Variants in DOCK2 observed in about 807,000 individuals in gnomAD.
DOCK2 encodes the protein dedicator of cytokinesis protein 2.
A neutral mutation model predicts 248.9 loss-of-function variants in DOCK2; 87 were observed. That is an observed-to-expected ratio of 0.35 (90% CI 0.29 to 0.42). The LOEUF (loss-of-function observed/expected upper bound fraction) is 0.42, where lower values mean the gene tolerates loss of function less well. Among genes scored for constraint, DOCK2 ranks in the 10% least tolerant of loss-of-function variants. The pLI is 1.00. For missense variants in DOCK2, 1,747 were observed against 2,300.2 expected, an observed-to-expected ratio of 0.76 and a Z score of 4.92; for synonymous variants, 805 against 821.6, an observed-to-expected ratio of 0.98 and a Z score of 0.35.
At chr5:169,838,290 G>T (rs1237164971) in intron 26 of DOCK2, among the ~76,000 whole-genome samples, 1 of 152,114 alleles carries the variant, frequency 6.6e-6, no homozygotes, top group Non-Finnish European at 1.5e-5. Flanking sequence ...ACAGGCTGCT[G>T]GGTTGAATCC....
At chr5:169,948,984 C>A (rs915091945) in intron 27 of DOCK2, among the ~76,000 whole-genome samples, 1 of 152,074 alleles carries the variant, frequency 6.6e-6, no homozygotes, top group Non-Finnish European at 1.5e-5. Context: ...TTATATGCAT[C>A]CAGTTACAAA....
chr5:170,017,126 G>T (rs2113819579), intron 32 of DOCK2, among the ~76,000 whole-genome samples: 1 of 152,044 alleles, frequency 6.6e-6, no homozygotes, highest in South Asian at 2.1e-4. Context: ...CCAACATTAA[G>T]CCTCATTTAG....
chr5:169,702,507 T>C, intron 14 of DOCK2, 80 bp downstream of exon 14: 1 of 1,574,950 alleles, frequency 6.3e-7, no homozygotes, highest in East Asian at 2.3e-5. Context: ...TTCCTCTCCC[T>C]GATTCTGTTG....
intron 27 of DOCK2, among the ~76,000 whole-genome samples, chr5:169,918,651 G>A (rs762583967): frequency 6.6e-6 from 1 of 152,230 alleles, no homozygotes; most frequent in Non-Finnish European, 1.5e-5. Context: ...AGTGGCTCAT[G>A]CCTGTAATCC....
intron 27 of DOCK2, among the ~76,000 whole-genome samples, chr5:169,879,263 C>T (rs1772501525): frequency 6.6e-6 from 1 of 152,082 alleles, no homozygotes; most frequent in Admixed American, 6.5e-5. Flanking sequence ...GAGATCACGG[C>T]TTAACAAGGC....
intron 26 of DOCK2, among the ~76,000 whole-genome samples, chr5:169,835,727 G>C (rs1021772472): frequency 1.3e-5 from 2 of 151,954 alleles, no homozygotes; most frequent in Admixed American, 1.3e-4. Context: ...GATCATGAGA[G>C]ACTGCTGTAT....
chr5:169,977,250 G>C (rs1195294388), intron 27 of DOCK2, among the ~76,000 whole-genome samples: 1 of 152,202 alleles, frequency 6.6e-6, no homozygotes, highest in African/African-American at 2.4e-5. Context: ...CCAAAAGCAT[G>C]TTCAGCGGCA....
chr5:169,833,326 G>A (rs1362932356), intron 26 of DOCK2, among the ~76,000 whole-genome samples: 1 of 152,110 alleles, frequency 6.6e-6, no homozygotes, highest in African/African-American at 2.4e-5. Flanking sequence ...ATTAAAATAG[G>A]TACATATTTT....
intron 22 of DOCK2, among the ~76,000 whole-genome samples, chr5:169,728,235 G>A (rs548899270): frequency 1.6e-4 from 24 of 152,302 alleles, no homozygotes; most frequent in African/African-American, 5.3e-4. Flanking sequence ...GACATAAAAT[G>A]TTTGAGGTGT....
intron 41 of DOCK2, among the ~76,000 whole-genome samples, chr5:170,053,109 G>A (rs751096141): frequency 1.8e-4 from 27 of 152,276 alleles, no homozygotes; most frequent in African/African-American, 5.3e-4. Flanking sequence ...CCCCAGTTCC[G>A]CGCATACATT....
chr5:169,859,610 A>T (rs1259842459), intron 27 of DOCK2, among the ~76,000 whole-genome samples: 2 of 152,268 alleles, frequency 1.3e-5, no homozygotes, highest in Non-Finnish European at 2.9e-5. Context: ...GATTCAGCTC[A>T]GCTAATGAAG....
rs1581562426 is a variant in DOCK2 at position 170,056,562 on chromosome 5, A to G, written c.4296-122A>G. ...CACAGACCTTGATTTTAAATGCACC[A>G]CAAGGGACTCTGCCAGGCCTGAAGT... On this transcript the variant is annotated intron_variant, in intron 42 of 51. Transcript: ENST00000520908. The G allele has an allele frequency of 1.8e-5, 13 of 727,662 alleles. No homozygotes were observed. The East Asian group carries it at 3.6e-4, about 20-fold the overall frequency. The allele number at this position is 727,662 out of a possible 1,614,324, so 45.1% of individuals were successfully genotyped here. A position where few individuals can be genotyped will look rare whatever the true frequency, so the allele number is the denominator to read the frequency against.
intron 45 of DOCK2, 35 bp downstream of exon 45, chr5:170,067,721 C>A: frequency 1.9e-6 from 3 of 1,609,558 alleles, no homozygotes; most frequent in South Asian, 1.1e-5. Flanking sequence ...TAGGGGAGCT[C>A]GGTGAGCAGA....
intron 27 of DOCK2, among the ~76,000 whole-genome samples, chr5:169,895,633 A>G (rs1448970952): frequency 1.3e-5 from 2 of 151,864 alleles, no homozygotes; most frequent in Non-Finnish European, 2.9e-5. Context: ...CCTCCACGTT[A>G]CCTATTGTAA....
intron 25 of DOCK2, among the ~76,000 whole-genome samples, chr5:169,799,436 A>T (rs1037276421): frequency 1.3e-5 from 2 of 152,120 alleles, no homozygotes; most frequent in Non-Finnish European, 2.9e-5. Context: ...CTTCAGATGA[A>T]CTCACCTGGT....
chr5:169,986,428 G>T (rs1245412488), intron 29 of DOCK2, among the ~76,000 whole-genome samples: 2 of 152,250 alleles, frequency 1.3e-5, no homozygotes, highest in Middle Eastern at 3.4e-3. Flanking sequence ...TGCATTTGGT[G>T]TGTCTATGTG....
At chr5:169,706,963 G>A (rs912809602) in intron 14 of DOCK2, among the ~76,000 whole-genome samples, 4 of 152,274 alleles carry the variant, frequency 2.6e-5, no homozygotes, top group Non-Finnish European at 5.9e-5. Context: ...AAGGACCCAC[G>A]GGAGAATCTG....
At chr5:169,820,648 A>T (rs2113232898) in intron 26 of DOCK2, among the ~76,000 whole-genome samples, 1 of 152,360 alleles carries the variant, frequency 6.6e-6, no homozygotes, top group African/African-American at 2.4e-5. Context: ...TCAAAGGTAG[A>T]TAAAACCACA....
At position 170,045,775 on chromosome 5, in the gene DOCK2, G is replaced by A. The variant is rs116028254; in HGVS notation, c.3877-41G>A. ...TCCTCAGCAAGCGCTCTGCAAACCC[G>A]GTGGTGCCACCTCACCTTTGTCCCT... is the stretch of plus-strand genomic sequence containing the variant. On this transcript the variant is annotated intron_variant, in intron 38 of 51. Coordinates refer to ENST00000520908, the MANE Select transcript of DOCK2 (RefSeq NM_004946.3). 1.5e-3 allele frequency: 2,327 copies of A among 1,599,450 alleles called. 25 individuals are homozygous for A. The African/African-American group carries it at 0.028, about 19-fold the overall frequency.
Sources: allele counts gnomAD v4.1 joint callset (sites outside exome capture counted in the v4.1 genomes callset), GRCh38; gene constraint gnomAD v4.1.1; transcripts MANE v1.5; gene names NCBI Gene and HGNC (gene_info 2026-07-23, HGNC 2026-07-21).